The following CSMD1 variants were observed in gnomAD, a reference collection of about 807,000 sequenced individuals.
CSMD1 encodes CUB and Sushi multiple domains 1.
A neutral mutation model predicts 417.5 loss-of-function variants in CSMD1; 213 were observed. The ratio of observed to expected loss-of-function variants is 0.51; its 90% CI spans 0.46 to 0.57. The LOEUF (loss-of-function observed/expected upper bound fraction) is 0.57. CSMD1 is among the 20% of genes least tolerant of loss of function. The pLI is 0.00. For synonymous variants in CSMD1, 2,862 were observed against 1,736.8 expected (o/e 1.65, Z -16.11); for missense variants, 6,923 against 4,529.7 (o/e 1.53, Z -15.17).
chr8:3,858,100 A>G (rs1804441018), intron 5 of CSMD1, among the ~76,000 whole-genome samples: 1 of 152,244 alleles, frequency 6.6e-6, no homozygotes, highest in Admixed American at 6.5e-5. Flanking sequence ...ATTGAATTTT[A>G]ATAACATAGT....
At chr8:3,648,592 G>A (rs1412152459) in intron 7 of CSMD1, among the ~76,000 whole-genome samples, 1 of 152,142 alleles carries the variant, frequency 6.6e-6, no homozygotes, top group Non-Finnish European at 1.5e-5. Flanking sequence ...TTTGATTTTA[G>A]AACAGATTTA....
At chr8:3,373,373 T>A (rs889218163) in intron 18 of CSMD1, 1 of 152,240 alleles carries the variant, frequency 6.6e-6, no homozygotes, top group Non-Finnish European at 1.5e-5. Context: ...AAGTTAGAGA[T>A]AAAGCTGCTC....
chr8:3,899,557 G>C (rs1346316038), intron 5 of CSMD1, among the ~76,000 whole-genome samples: 4 of 152,178 alleles, frequency 2.6e-5, no homozygotes. Context: ...ACATTAAAAA[G>C]AAGGTTGTTG....
intron 10 of CSMD1, among the ~76,000 whole-genome samples, chr8:3,567,507 G>C: frequency 6.8e-6 from 1 of 146,312 alleles, no homozygotes; most frequent in East Asian, 2.1e-4. Context: ...GGAAGGAAGG[G>C]AGGGGAGGGG....
chr8:4,899,200 G>C (rs189072180), intron 1 of CSMD1, among the ~76,000 whole-genome samples: 2 of 152,094 alleles, frequency 1.3e-5, no homozygotes, highest in African/African-American at 4.8e-5. Flanking sequence ...ATGTCCTATC[G>C]GAAGAAACAT....
intron 12 of CSMD1, among the ~76,000 whole-genome samples, chr8:3,445,606 G>T (rs1407442871): frequency 6.6e-6 from 1 of 152,066 alleles, no homozygotes; most frequent in Admixed American, 6.5e-5. Flanking sequence ...CCACAATAAA[G>T]AAGGCCAGAA....
At chr8:3,714,256 A>G (rs563742749) in intron 6 of CSMD1, among the ~76,000 whole-genome samples, 130 of 143,422 alleles carry the variant, frequency 9.1e-4, no homozygotes, top group Non-Finnish European at 1.7e-3. Context: ...TTGTTCTCTA[A>G]TTTAATTTGT....
intron 1 of CSMD1, among the ~76,000 whole-genome samples, chr8:4,674,947 A>T (rs1300191604): frequency 1.3e-5 from 2 of 152,158 alleles, no homozygotes; most frequent in Non-Finnish European, 2.9e-5. Flanking sequence ...CTGCTTCCTC[A>T]TTCTCCTCCA....
In CSMD1 at chr8:4,386,659, G is replaced by A. The variant is rs568430219; in HGVS notation, c.415+33294C>T. On this transcript the variant is annotated intron_variant, in intron 3 of 69. Transcript: ENST00000635120. ...CATGGGAGTTATCTCAGCCTTTCAG[G>A]AAGATTACCTGATGAGCCCTTGCAG... Among the ~76,000 whole-genome samples, 17 of 152,334 alleles carry A rather than the reference G, an allele frequency of 1.1e-4. No individual in the cohort carries two copies. In the South Asian group the frequency reaches 2.7e-3, roughly 24 times the overall value.
chr8:3,697,433 T>C (rs1467894629), intron 7 of CSMD1, among the ~76,000 whole-genome samples: 1 of 152,242 alleles, frequency 6.6e-6, no homozygotes, highest in African/African-American at 2.4e-5. Context: ...GTTATGTTTA[T>C]ATCAAGGCTA....
chr8:4,531,364 T>C (rs1934279278), intron 2 of CSMD1, among the ~76,000 whole-genome samples: 1 of 152,212 alleles, frequency 6.6e-6, no homozygotes, highest in Admixed American at 6.5e-5. Context: ...ATAATTTGTA[T>C]CTTGGGTATT....
In CSMD1 at chr8:4,429,724, G is replaced by C. The variant is rs561364213; in HGVS notation, c.303-9659C>G. On this transcript the variant is annotated intron_variant, in intron 2 of 69. Coordinates refer to ENST00000635120, the MANE Select transcript of CSMD1 (RefSeq NM_033225.6). Reference sequence around the variant, plus strand: ...AGGAGCTCCATGAGGGCAGAAGTGGGTCTCCTGTAACCCACAGCCGTATGC... The same window carrying C: ...AGGAGCTCCATGAGGGCAGAAGTGGCTCTCCTGTAACCCACAGCCGTATGC... Among the ~76,000 whole-genome samples, 3 of 152,082 alleles carry C rather than the reference G, an allele frequency of 2.0e-5. No homozygotes were observed. The South Asian group carries it at 6.2e-4, about 32-fold the overall frequency.
chr8:2,984,331 G>T (rs377173649), intron 54 of CSMD1, among the ~76,000 whole-genome samples: 5 of 152,082 alleles, frequency 3.3e-5, no homozygotes, highest in Non-Finnish European at 5.9e-5. Context: ...AAACCTGTGC[G>T]TTGAGGCTAT....
chr8:4,414,127 A>G (rs1154038), intron 3 of CSMD1, among the ~76,000 whole-genome samples: 1 of 152,230 alleles, frequency 6.6e-6, no homozygotes, highest in Non-Finnish European at 1.5e-5. Context: ...AGGGAGAAAT[A>G]AATCAGTGCT....
chr8:4,157,865 C>A (rs542650059), intron 3 of CSMD1, among the ~76,000 whole-genome samples: 2 of 152,288 alleles, frequency 1.3e-5, no homozygotes, highest in South Asian at 2.1e-4. Context: ...TGAAGTTGGG[C>A]TTGGTCCTAT....
chr8:3,945,079 C>G (rs551651662), intron 5 of CSMD1, among the ~76,000 whole-genome samples: 1 of 149,454 alleles, frequency 6.7e-6, no homozygotes, highest in African/African-American at 2.5e-5. Flanking sequence ...ATGTTTAAGA[C>G]AATGTGAACA....
chr8:2,936,911 A>G lies in CSMD1; in HGVS notation c.*1674T>C, dbSNP rs1801524149. ...TGTTCACTCCGACAACGTGAAGGCC[A>G]ATTTGAACATTCTGACATTTCTATT... On this transcript the variant is annotated 3_prime_UTR_variant, in exon 70 of 70. Coordinates refer to ENST00000635120, the MANE Select transcript of CSMD1 (RefSeq NM_033225.6). 2 of 152,250 alleles carry G rather than the reference A, an allele frequency of 1.3e-5. No homozygotes were observed. Among genetic ancestry groups the G allele is most frequent in the Admixed American group, 1.3e-4 (2 of 15,286 alleles). 9.4% of individuals were successfully genotyped at this position (152,250 alleles called of 1,614,324 possible). A position where few individuals can be genotyped will look rare whatever the true frequency, so the allele number is the denominator to read the frequency against.
intron 3 of CSMD1, among the ~76,000 whole-genome samples, chr8:4,361,712 T>G (rs144950850): frequency 0.01 from 1,568 of 152,216 alleles, 12 homozygotes; most frequent in Middle Eastern, 0.031. Flanking sequence ...TCCCAACACT[T>G]TGGGAGGCCG....
chr8:4,598,247 C>A (rs892203947), intron 2 of CSMD1, among the ~76,000 whole-genome samples: 1 of 152,130 alleles, frequency 6.6e-6, no homozygotes, highest in African/African-American at 2.4e-5. Context: ...CTAATTTATG[C>A]CACACTCACC....
Sources: allele counts gnomAD v4.1 joint callset (sites outside exome capture counted in the v4.1 genomes callset), GRCh38; gene constraint gnomAD v4.1.1; transcripts MANE v1.5; gene names NCBI Gene and HGNC (gene_info 2026-07-23, HGNC 2026-07-21).